KCNG2: variants seen among roughly 807,000 people sequenced by gnomAD.
KCNG2 encodes potassium voltage-gated channel modifier subfamily G member 2.
In KCNG2, 7 loss-of-function variants were observed where a neutral mutation model predicts 12.3. The ratio of observed to expected loss-of-function variants is 0.57; its 90% CI spans 0.32 to 1.07. The LOEUF (loss-of-function observed/expected upper bound fraction) is 1.07, where lower values mean the gene tolerates loss of function less well. Among genes scored for constraint, KCNG2 ranks in the 50% least tolerant of loss-of-function variants. The probability of loss-of-function intolerance (pLI) is 0.04; values close to 1 mark genes in which losing one functional copy is unlikely to be tolerated. For missense variants in KCNG2, 703 were observed against 726.0 expected (o/e 0.97, Z 0.36); for synonymous variants, 414 against 351.4 (o/e 1.18, Z -1.99).
Position 79,824,856 on chromosome 18 carries a change from C to A in KCNG2, c.-115+26842C>A, listed in dbSNP as rs531230299. On this transcript the variant is annotated intron_variant, in intron 1 of 3. Transcript: ENST00000316249. Reference sequence around the variant, plus strand: ...TTTTTTTCTTAAGAGGCATTGAATTCTGTTTAATAATATTCCGTTTAGAAT... The same window carrying A: ...TTTTTTTCTTAAGAGGCATTGAATTATGTTTAATAATATTCCGTTTAGAAT... 1.6e-4 allele frequency among the ~76,000 whole-genome samples: 25 copies of A among 152,172 alleles called. No homozygotes were observed. The South Asian group carries it at 5.2e-3, about 32-fold the overall frequency.
rs570480406 is a variant in KCNG2 at position 79,845,000 on chromosome 18, C to G, written c.-114-11379C>G. Among the ~76,000 whole-genome samples the G allele has an allele frequency of 1.2e-3, 177 of 152,250 alleles. 2 individuals are homozygous for G. The highest frequency in any genetic ancestry group is 3.3e-3 in the Admixed American group (51 of 15,290). The stretch of plus-strand genomic sequence containing the variant: ...GCTTATACCACTGTGTTCATAATAG[C>G]CAAATCCTGGAAATAACCAAAATGT... On this transcript the variant is annotated intron_variant, in intron 1 of 3. Coordinates refer to ENST00000316249, the MANE Select transcript of KCNG2 (RefSeq NM_012283.2).
chr18:79,818,207 C>T (rs2123002260), intron 1 of KCNG2, among the ~76,000 whole-genome samples: 1 of 152,330 alleles, frequency 6.6e-6, no homozygotes, highest in South Asian at 2.1e-4. Flanking sequence ...AATAAGGAAG[C>T]TTGACTCATC....
intron 1 of KCNG2, among the ~76,000 whole-genome samples, chr18:79,833,002 C>A (rs1978304578): frequency 6.6e-6 from 1 of 151,880 alleles, no homozygotes; most frequent in African/African-American, 2.4e-5. Context: ...GCCTGGTTTC[C>A]TTTAAAATTG....
rs189643111 is a variant in KCNG2, at chr18:79,888,526, G to A, written c.625-10514G>A. ...GCCGCGGTGGGGCCGGGACGGCGGCGTCCTCCTCATGAGGCCGCGGTGGGG... is the reference window on the plus strand; with the variant it reads ...GCCGCGGTGGGGCCGGGACGGCGGCATCCTCCTCATGAGGCCGCGGTGGGG... On this transcript the variant is annotated intron_variant, in intron 3 of 3. Transcript: ENST00000316249. 1.7e-3 allele frequency among the ~76,000 whole-genome samples: 250 copies of A among 146,760 alleles called. No homozygotes were observed. The East Asian group carries it at 0.018, about 11-fold the overall frequency.
Position 79,845,358 on chromosome 18 carries a change from C to T in KCNG2, c.-114-11021C>T, listed in dbSNP as rs142290610. 5.0e-3 allele frequency among the ~76,000 whole-genome samples: 762 copies of T among 152,252 alleles called. 6 individuals are homozygous for T. Among genetic ancestry groups the T allele is most frequent in the Middle Eastern group, 0.02 (6 of 294 alleles). ...CTGTGTCTGGATGTGTCCATGTCGG[C>T]GTCCCGGTGGAGAAGGCGTTCCACG... On this transcript the variant is annotated intron_variant, in intron 1 of 3. Transcript: ENST00000316249.
In KCNG2 at chr18:79,883,907, G is replaced by A. The variant is rs543826305; in HGVS notation, c.625-15133G>A. Among the ~76,000 whole-genome samples the A allele has an allele frequency of 1.6e-4, 24 of 152,132 alleles. No homozygotes were observed. In the East Asian group the frequency reaches 3.7e-3, roughly 23 times the overall value. On this transcript the variant is annotated intron_variant, in intron 3 of 3. Transcript: ENST00000316249. ...CTGCCATTTAGCACAGACTTGCACC[G>A]GCGTCCCCACCGGCACGTCCACGAG...
chr18:79,872,718 C>T (rs924278361), intron 3 of KCNG2, among the ~76,000 whole-genome samples: 1 of 152,244 alleles, frequency 6.6e-6, no homozygotes, highest in Non-Finnish European at 1.5e-5. Context: ...GCTCTGACAG[C>T]GGCAGGGCTT....
At chr18:79,873,810 C>CT (rs1979960833) in intron 3 of KCNG2, among the ~76,000 whole-genome samples, 1 of 152,220 alleles carries the variant, frequency 6.6e-6, no homozygotes, top group Non-Finnish European at 1.5e-5. Flanking sequence ...GCGCCTGGGA[C>CT]TTGGCGGGGA....
At chr18:79,828,567 A>G (rs1316192042) in intron 1 of KCNG2, among the ~76,000 whole-genome samples, 3 of 150,612 alleles carry the variant, frequency 2.0e-5, no homozygotes, top group Non-Finnish European at 4.4e-5. Flanking sequence ...ATCTGTGTGC[A>G]TGTCTGTGTG....
intron 3 of KCNG2, among the ~76,000 whole-genome samples, chr18:79,877,895 C>G (rs911286792): frequency 6.6e-6 from 1 of 152,268 alleles, no homozygotes; most frequent in Non-Finnish European, 1.5e-5. Context: ...CCTGTGCCTG[C>G]TCAGCCTGGC....
intron 1 of KCNG2, among the ~76,000 whole-genome samples, chr18:79,836,594 G>A (rs1978327157): frequency 6.6e-6 from 1 of 152,132 alleles, no homozygotes; most frequent in Admixed American, 6.5e-5. Context: ...GAAGAAAAAA[G>A]GTTGAATTGA....
intron 1 of KCNG2, among the ~76,000 whole-genome samples, chr18:79,818,305 C>T (rs564100336): frequency 5.3e-5 from 8 of 152,370 alleles, no homozygotes; most frequent in South Asian, 2.1e-4. Flanking sequence ...AGGTCACACT[C>T]GGGTGAGGAG....
chr18:79,855,573 T>C (rs1418695813), intron 1 of KCNG2, among the ~76,000 whole-genome samples: 1 of 152,076 alleles, frequency 6.6e-6, no homozygotes, highest in Non-Finnish European at 1.5e-5. Flanking sequence ...CTCACCCCAC[T>C]GTGCATGCTA....
At chr18:79,854,727 G>GTGTTAGCCAGGA (rs1163184241) in intron 1 of KCNG2, among the ~76,000 whole-genome samples, 5 of 152,034 alleles carry the variant, frequency 3.3e-5, no homozygotes, top group African/African-American at 9.7e-5. Flanking sequence ...AGGTTTCACC[G>GTGTTAGCCAGGA]TGGTCTTGAT....
rs1053270670 is a variant in KCNG2, at chr18:79,899,240, C to G, written c.825C>G (p.Gly275=). 6 of 1,596,768 alleles carry G rather than the reference C, an allele frequency of 3.8e-6. No individual in the cohort carries two copies. The highest frequency in any genetic ancestry group is 4.2e-6 in the Non-Finnish European group (5 of 1,177,604). ...SLLLGLAAGP[G]GTKLLERAGL... ...TGCTGGGGCTGGCGGCAGGCCCGGG[C>G]GGGACCAAGCTCCTGGAGCGCGCGG... Residue 275 remains glycine (G), a synonymous_variant, in exon 4 of 4, where the codon GGC becomes GGG. Transcript: ENST00000316249.
chr18:79,801,853 G>A (rs1217481940), intron 1 of KCNG2, among the ~76,000 whole-genome samples: 3 of 152,232 alleles, frequency 2.0e-5, no homozygotes, highest in Non-Finnish European at 2.9e-5. Context: ...GCTCTCACCC[G>A]TGTCCCCGCC....
intron 3 of KCNG2, among the ~76,000 whole-genome samples, chr18:79,897,979 TGA>T (rs1041180938): frequency 1.3e-5 from 2 of 152,208 alleles, no homozygotes; most frequent in African/African-American, 4.8e-5. Flanking sequence ...CATTGCTTTC[TGA>T]GAGTGCCTGA....
At chr18:79,892,728 G>T (rs1980788906) in intron 3 of KCNG2, among the ~76,000 whole-genome samples, 1 of 151,548 alleles carries the variant, frequency 6.6e-6, no homozygotes, top group Admixed American at 6.6e-5. Context: ...TGATATAGTT[G>T]GGTCTGTGTC....
At chr18:79,799,805 G>A (rs1004817227) in intron 1 of KCNG2, among the ~76,000 whole-genome samples, 2 of 152,230 alleles carry the variant, frequency 1.3e-5, no homozygotes, top group African/African-American at 4.8e-5. Context: ...CACAGGAAGT[G>A]TGTGGGGGGC....
Sources: gnomAD v4.1 joint callset for allele counts (sites outside exome capture counted in the v4.1 genomes callset) on GRCh38, gnomAD v4.1.1 for gene constraint, MANE v1.5 for transcripts, NCBI Gene and HGNC (gene_info 2026-07-23, HGNC 2026-07-21) for gene names.